MTARC2: variants seen among roughly 807,000 people sequenced by gnomAD.
MTARC2 encodes MOCO sulphurase C-terminal domain containing 2.
In MTARC2, 27 loss-of-function variants were observed where a neutral mutation model predicts 35.6. The ratio of observed to expected loss-of-function variants is 0.76; its 90% CI spans 0.56 to 1.04. The LOEUF (loss-of-function observed/expected upper bound fraction) is 1.04, where lower values mean the gene tolerates loss of function less well. Ranked by LOEUF, MTARC2 falls within the 50% of genes least tolerant of loss-of-function variation. The pLI is 0.00. For synonymous variants in MTARC2, 158 were observed against 167.1 expected (o/e 0.95, Z 0.42); for missense variants, 412 against 432.5 (o/e 0.95, Z 0.42).
intron 3 of MTARC2, 71 bp downstream of exon 3, chr1:220,761,891 T>C (rs1446841185): frequency 5.6e-6 from 8 of 1,438,186 alleles, no homozygotes; most frequent in African/African-American, 1.4e-5. Flanking sequence ...TCCCAGTTGA[T>C]AAAGAGCCTC....
chr1:220,756,619 C>T (rs1014269375), intron 2 of MTARC2, among the ~76,000 whole-genome samples: 1 of 152,140 alleles, frequency 6.6e-6, no homozygotes, highest in African/African-American at 2.4e-5. Context: ...CCCATCAGTT[C>T]ATTGAAGAGG....
chr1:220,754,002 C>T (rs1470202167), intron 1 of MTARC2, among the ~76,000 whole-genome samples: 2 of 152,114 alleles, frequency 1.3e-5, no homozygotes, highest in African/African-American at 4.8e-5. Context: ...GTGAGCTAGA[C>T]TGTACCACTG....
chr1:220,776,643 CAGACAATTTG>C (rs983653565), intron 4 of MTARC2, among the ~76,000 whole-genome samples: 1 of 152,106 alleles, frequency 6.6e-6, no homozygotes, highest in Non-Finnish European at 1.5e-5. Flanking sequence ...CTTACGAATC[CAGACAATTTG>C]CTCTTTTAAA....
intron 3 of MTARC2, 27 bp downstream of exon 3, chr1:220,761,847 C>T: frequency 6.4e-7 from 1 of 1,573,952 alleles, no homozygotes; most frequent in Non-Finnish European, 8.6e-7. Flanking sequence ...TTTACCTTCA[C>T]TGCTACTAGT....
intron 4 of MTARC2, among the ~76,000 whole-genome samples, chr1:220,775,554 G>A (rs1354138328): frequency 2.6e-5 from 4 of 152,256 alleles, no homozygotes; most frequent in African/African-American, 9.6e-5. Flanking sequence ...TTAGGTGCAG[G>A]GGTACAGGTG....
intron 4 of MTARC2, among the ~76,000 whole-genome samples, chr1:220,767,174 G>A (rs554434197): frequency 6.6e-6 from 1 of 151,918 alleles, no homozygotes; most frequent in African/African-American, 2.4e-5. Flanking sequence ...ATTAAATGAC[G>A]CTAATGTTGC....
At chr1:220,758,964 C>T (rs1399513552) in intron 2 of MTARC2, among the ~76,000 whole-genome samples, 2 of 151,934 alleles carry the variant, frequency 1.3e-5, no homozygotes, top group African/African-American at 4.8e-5. Context: ...TGTATTAATC[C>T]ACCTTATCTA....
chr1:220,749,427 CTTTT>C (rs60380640), intron 1 of MTARC2, among the ~76,000 whole-genome samples: 16,737 of 98,782 alleles, frequency 0.17, 1,259 homozygotes, highest in East Asian at 0.34. Context: ...ATGCCTTCTT[CTTTT>C]TTTTTTTTTT....
At chr1:220,754,320 A>G (rs1388110511) in intron 1 of MTARC2, 3 of 456,158 alleles carry the variant, frequency 6.6e-6, no homozygotes, top group African/African-American at 4.0e-5. Flanking sequence ...AATAAGTGGG[A>G]TTCTTATCTA....
intron 4 of MTARC2, chr1:220,770,587 C>A (rs1328134460): frequency 5.1e-6 from 5 of 982,440 alleles, no homozygotes; most frequent in African/African-American, 1.7e-5. Context: ...GAGACCATGA[C>A]CCCCCATACC....
chr1:220,770,669 A>G (rs1572310000), intron 4 of MTARC2: 2 of 637,180 alleles, frequency 3.1e-6, no homozygotes, highest in Non-Finnish European at 3.9e-6. Context: ...AGTCCAGCAC[A>G]GCCCAGGCTA....
intron 2 of MTARC2, among the ~76,000 whole-genome samples, chr1:220,758,144 C>T (rs1671333908): frequency 6.6e-6 from 1 of 151,872 alleles, no homozygotes; most frequent in South Asian, 2.1e-4. Flanking sequence ...GCCACCACGC[C>T]CAGCTAATTT....
At position 220,748,477 on chromosome 1, in the gene MTARC2, G is replaced by A. The variant is rs889867758; in HGVS notation, c.-55G>A. The stretch of plus-strand genomic sequence containing the variant: ...TCCTTAAGGGCCTCCTCGTCCTCCC[G>A]GTCTCCGGTCGCTGCCGGGTCTGTG... On this transcript the variant is annotated 5_prime_UTR_variant, in exon 1 of 8. Coordinates refer to ENST00000366913, the MANE Select transcript of MTARC2 (RefSeq NM_017898.5). The A allele has an allele frequency of 3.0e-6, 4 of 1,346,958 alleles. No individual in the cohort carries two copies. The highest frequency in any genetic ancestry group is 1.8e-5 in the South Asian group (1 of 54,322). 83.4% of individuals were successfully genotyped at this position (1,346,958 alleles called of 1,614,324 possible). A position where few individuals can be genotyped will look rare whatever the true frequency, so the allele number is the denominator to read the frequency against.
chr1:220,781,691 CT>C (rs1672075132), intron 6 of MTARC2, 86 bp from the exon 7 acceptor site: 4 of 1,427,704 alleles, frequency 2.8e-6, no homozygotes, highest in Non-Finnish European at 3.9e-6. Context: ...TTATAAATAA[CT>C]TGGAAGGCAA....
chr1:220,783,106 A>C (rs2102575893), intron 7 of MTARC2, among the ~76,000 whole-genome samples: 1 of 152,314 alleles, frequency 6.6e-6, no homozygotes, highest in East Asian at 1.9e-4. Flanking sequence ...CATAACCATA[A>C]CCATATTTCA....
At chr1:220,756,327 G>T (rs530001468) in intron 2 of MTARC2, 1 of 152,218 alleles carries the variant, frequency 6.6e-6, no homozygotes, top group South Asian at 2.1e-4. Flanking sequence ...CTCATCTTAC[G>T]CTTTTTCAAG....
intron 4 of MTARC2, among the ~76,000 whole-genome samples, chr1:220,772,700 T>TTGTGTGTGTGTATG (rs539287463): frequency 1.3e-5 from 2 of 148,620 alleles, no homozygotes; most frequent in African/African-American, 4.9e-5. Context: ...GTGTGTGTGT[T>TTGTGTGTGTGTATG]TGTGTGTGTG....
Position 220,784,256 on chromosome 1 carries a change from A to C in MTARC2, c.*369A>C, listed in dbSNP as rs1263415712. The C allele has an allele frequency of 3.2e-6, 1 of 316,052 alleles. No individual in the cohort carries two copies. The highest frequency in any genetic ancestry group is 5.8e-6 in the Non-Finnish European group (1 of 171,482). The allele number at this position is 316,052 out of a possible 1,614,324, so 19.6% of individuals were successfully genotyped here. ...AATGAATCAACTAAAAAGCTGCAAA[A>C]ATGTTTTTAAAATGTGTGCCTTTTA... On this transcript the variant is annotated 3_prime_UTR_variant, in exon 8 of 8. Coordinates refer to ENST00000366913, the MANE Select transcript of MTARC2 (RefSeq NM_017898.5).
intron 3 of MTARC2, among the ~76,000 whole-genome samples, chr1:220,762,127 A>G (rs1293497084): frequency 1.3e-5 from 2 of 152,158 alleles, no homozygotes; most frequent in Non-Finnish European, 2.9e-5. Context: ...CTGGCTGGAG[A>G]AACAAAAGTG....
Sources: gnomAD v4.1 joint callset for allele counts (sites outside exome capture counted in the v4.1 genomes callset) on GRCh38, gnomAD v4.1.1 for gene constraint, MANE v1.5 for transcripts, NCBI Gene and HGNC (gene_info 2026-07-23, HGNC 2026-07-21) for gene names.